Variants in KAZN observed in about 807,000 individuals in gnomAD.
KAZN encodes the protein kazrin.
KAZN carries 40 observed loss-of-function variants against 87.4 expected under a neutral mutation model. That is an observed-to-expected ratio of 0.46 (90% CI 0.36 to 0.60). The LOEUF is 0.60. Ranked by LOEUF, KAZN falls within the 20% of genes least tolerant of loss-of-function variation. KAZN has a pLI of 0.00. For missense variants in KAZN, 898 were observed against 1,073.9 expected (o/e 0.84, Z 2.29); for synonymous variants, 466 against 458.3 (o/e 1.02, Z -0.22).
Position 14,663,275 on chromosome 1 carries a change from A to T in KAZN, c.226+64052A>T, listed in dbSNP as rs1331327834. Among the ~76,000 whole-genome samples, 4 of 152,236 alleles carry T rather than the reference A, an allele frequency of 2.6e-5. No individual in the cohort carries two copies. In the East Asian group the frequency reaches 7.7e-4, roughly 29 times the overall value. Reference sequence around the variant, plus strand: ...TACAGGCACACCCAGCAATGTGTGTATATCTTTTAAGTAGTACATGGGAGG... The same window carrying T: ...TACAGGCACACCCAGCAATGTGTGTTTATCTTTTAAGTAGTACATGGGAGG... On this transcript the variant is annotated intron_variant, in intron 1 of 14. Transcript: ENST00000376030.
rs1332645063 is a variant in KAZN at position 15,081,251 on chromosome 1, C to G, written c.1223-12929C>G. ...ACACAGGCCCACGGATGGCTCTCTT[C>G]CCAACTCCACGTCCAGTGACAGCCT... is the stretch of plus-strand genomic sequence containing the variant. On this transcript the variant is annotated intron_variant, in intron 8 of 14. Transcript: ENST00000376030. The surrounding 1 kb of genome is among the most constrained non-coding windows in gnomAD (Gnocchi z 4.1). 4.6e-5 allele frequency among the ~76,000 whole-genome samples: 7 copies of G among 152,236 alleles called. No homozygotes were observed. The highest frequency in any genetic ancestry group is 8.8e-5 in the Non-Finnish European group (6 of 68,040).
intron 3 of KAZN, among the ~76,000 whole-genome samples, chr1:15,043,224 C>A (rs183512553): frequency 1.3e-5 from 2 of 152,210 alleles, no homozygotes; most frequent in Non-Finnish European, 2.9e-5. Flanking sequence ...CAATTGGGGT[C>A]GCTGGTGCCT....
chr1:14,708,180 A>C (rs181072509), intron 1 of KAZN, among the ~76,000 whole-genome samples: 1 of 152,210 alleles, frequency 6.6e-6, no homozygotes, highest in East Asian at 1.9e-4. Context: ...TTTTACCCTG[A>C]TGGACCTGGC....
At chr1:15,109,795 A>ATGTG (rs148534142) in intron 13 of KAZN, among the ~76,000 whole-genome samples, 100,344 of 148,880 alleles carry the variant, frequency 0.67, 34,244 homozygotes, top group African/African-American at 0.83. Context: ...GTTTGTGTGT[A>ATGTG]TGTGTATGTG....
At chr1:14,744,181 T>C (rs1330915820) in intron 1 of KAZN, among the ~76,000 whole-genome samples, 1 of 152,200 alleles carries the variant, frequency 6.6e-6, no homozygotes, top group African/African-American at 2.4e-5. Context: ...CACACATTAT[T>C]AATAACACTA....
chr1:13,923,591 A>AAAAAT (rs1557723290), intron 1 of KAZN, among the ~76,000 whole-genome samples: 1 of 151,032 alleles, frequency 6.6e-6, no homozygotes, highest in South Asian at 2.1e-4. Flanking sequence ...AAAAAAAAAA[A>AAAAAT]ATATAATTAC....
intron 2 of KAZN, among the ~76,000 whole-genome samples, chr1:14,336,430 T>G (rs568978542): frequency 6.6e-6 from 1 of 152,348 alleles, no homozygotes; most frequent in African/African-American, 2.4e-5. Flanking sequence ...TATGAGCATC[T>G]CTGTATACAA....
intron 1 of KAZN, among the ~76,000 whole-genome samples, chr1:13,922,799 G>A: frequency 6.6e-6 from 1 of 152,170 alleles, no homozygotes; most frequent in East Asian, 1.9e-4. Flanking sequence ...ATTCCCCAGT[G>A]CAGCTCAGAA....
At chr1:14,135,537 A>G (rs1645089444) in intron 1 of KAZN, among the ~76,000 whole-genome samples, 1 of 152,222 alleles carries the variant, frequency 6.6e-6, no homozygotes, top group African/African-American at 2.4e-5. Context: ...CTTGAGATTG[A>G]AGACTGTGAT....
At chr1:14,129,172 T>C (rs1469848531) in intron 1 of KAZN, among the ~76,000 whole-genome samples, 1 of 152,194 alleles carries the variant, frequency 6.6e-6, no homozygotes, top group Non-Finnish European at 1.5e-5. Flanking sequence ...GTTGAATTTA[T>C]TGAAGTTGCT....
chr1:14,308,813 C>A (rs1655100226), intron 2 of KAZN, among the ~76,000 whole-genome samples: 1 of 127,560 alleles, frequency 7.8e-6, no homozygotes, highest in African/African-American at 2.9e-5. Flanking sequence ...CAGTGGTTAC[C>A]AATTTCTTTG....
chr1:14,377,746 T>C (rs1661030207), intron 2 of KAZN, among the ~76,000 whole-genome samples: 2 of 152,196 alleles, frequency 1.3e-5, no homozygotes, highest in African/African-American at 4.8e-5. Context: ...CCCAGGCATA[T>C]AGTGATGACC....
At chr1:14,345,221 C>T (rs1431006869) in intron 2 of KAZN, among the ~76,000 whole-genome samples, 2 of 152,068 alleles carry the variant, frequency 1.3e-5, no homozygotes, top group Non-Finnish European at 2.9e-5. Flanking sequence ...CCAGGCCCAT[C>T]CCCTCTTCTA....
At chr1:13,966,095 T>G (rs1641932253) in intron 1 of KAZN, among the ~76,000 whole-genome samples, 1 of 152,054 alleles carries the variant, frequency 6.6e-6, no homozygotes, top group Admixed American at 6.5e-5. Flanking sequence ...GCCTGAGCTC[T>G]CCTAAGCCTT....
chr1:14,218,759 T>C (rs529462977), intron 2 of KAZN, among the ~76,000 whole-genome samples: 31 of 152,172 alleles, frequency 2.0e-4, no homozygotes, highest in Non-Finnish European at 3.2e-4. Flanking sequence ...GTCTTTTCTA[T>C]ATGAGTTTCA....
chr1:14,058,031 T>C (rs1053243655), intron 1 of KAZN, among the ~76,000 whole-genome samples: 11 of 152,206 alleles, frequency 7.2e-5, no homozygotes, highest in African/African-American at 2.7e-4. Flanking sequence ...GAAAAGTTGT[T>C]ATCCTTCTTG....
chr1:14,747,969 A>T (rs1644307865), intron 1 of KAZN, among the ~76,000 whole-genome samples: 1 of 152,136 alleles, frequency 6.6e-6, no homozygotes, highest in Admixed American at 6.6e-5. Context: ...CAGCTTGATC[A>T]TTTCCCTGAT....
chr1:14,742,341 G>A (rs1644127033), intron 1 of KAZN, among the ~76,000 whole-genome samples: 1 of 152,246 alleles, frequency 6.6e-6, no homozygotes, highest in South Asian at 2.1e-4. Flanking sequence ...ATTCATGAAT[G>A]TGTCCCTCCC....
chr1:14,954,564 G>C (rs1021700135), intron 1 of KAZN, among the ~76,000 whole-genome samples: 7 of 152,228 alleles, frequency 4.6e-5, no homozygotes, highest in African/African-American at 1.7e-4. Context: ...CAGCGGTCTG[G>C]ATCTGCACTG....
Sources: gnomAD v4.1 joint callset for allele counts (sites outside exome capture counted in the v4.1 genomes callset) on GRCh38, gnomAD v4.1.1 for gene constraint, Gnocchi (gnomAD v3.1) non-coding constraint, MANE v1.5 for transcripts, NCBI Gene and HGNC (gene_info 2026-07-23, HGNC 2026-07-21) for gene names.